The following CADPS variants were observed in gnomAD, a reference collection of about 807,000 sequenced individuals.
CADPS encodes calcium-dependent secretion activator 1.
A neutral mutation model predicts 167.3 loss-of-function variants in CADPS; 57 were observed. That is an observed-to-expected ratio of 0.34 (90% CI 0.28 to 0.42). The LOEUF is 0.42. Ranked by LOEUF, CADPS falls within the 20% of genes least tolerant of loss-of-function variation. CADPS has a pLI of 1.00. For synonymous variants in CADPS, 676 were observed against 635.3 expected (o/e 1.06, Z -0.96); for missense variants, 1,414 against 1,738.1 (o/e 0.81, Z 3.32).
At chr3:62,694,040 A>AG (rs2079765739) in intron 3 of CADPS, among the ~76,000 whole-genome samples, 1 of 152,032 alleles carries the variant, frequency 6.6e-6, no homozygotes, top group Non-Finnish European at 1.5e-5. Flanking sequence ...TGGTCACCCC[A>AG]GTGCTCGCTC....
chr3:62,832,240 A>G (rs1330531409), intron 1 of CADPS, among the ~76,000 whole-genome samples: 1 of 152,188 alleles, frequency 6.6e-6, no homozygotes, highest in African/African-American at 2.4e-5. Context: ...AGTTTTAAAA[A>G]TACTCCAGGT....
intron 26 of CADPS, among the ~76,000 whole-genome samples, chr3:62,451,455 C>T (rs2058037734): frequency 6.6e-6 from 1 of 151,472 alleles, no homozygotes; most frequent in African/African-American, 2.4e-5. Context: ...GGGTTTGATA[C>T]TATTAAATCA....
chr3:62,694,220 A>G (rs1054129027), intron 3 of CADPS, among the ~76,000 whole-genome samples: 3 of 152,128 alleles, frequency 2.0e-5, no homozygotes, highest in Non-Finnish European at 2.9e-5. Context: ...TAACCTGGTG[A>G]AAATAACATT....
chr3:62,771,491 C>G lies in CADPS; in HGVS notation c.442-5507G>C, dbSNP rs563989435. ...GTTAACTGACTTATATAGGATTGAA[C>G]CCAAAAGGTGACCTTGCACGAATAA... is the stretch of plus-strand genomic sequence containing the variant. On this transcript the variant is annotated intron_variant, in intron 1 of 29. Transcript: ENST00000383710. Among the ~76,000 whole-genome samples the G allele has an allele frequency of 5.6e-4, 85 of 152,228 alleles. 1 individual carries two copies. The South Asian group carries it at 0.011, about 20-fold the overall frequency.
At chr3:62,567,440 C>T (rs1211675690) in intron 9 of CADPS, among the ~76,000 whole-genome samples, 3 of 151,956 alleles carry the variant, frequency 2.0e-5, no homozygotes, top group Non-Finnish European at 4.4e-5. Context: ...ACAAAACTGG[C>T]CCTGAAACAG....
chr3:62,843,956 G>T (rs748802555), intron 1 of CADPS, among the ~76,000 whole-genome samples: 1 of 152,128 alleles, frequency 6.6e-6, no homozygotes, highest in Admixed American at 6.6e-5. Flanking sequence ...TTACCCTAAG[G>T]CTCTGTAGGT....
chr3:62,450,927 A>C (rs1239018978), intron 26 of CADPS, among the ~76,000 whole-genome samples: 4 of 152,168 alleles, frequency 2.6e-5, no homozygotes, highest in African/African-American at 9.7e-5. Context: ...ATGACTAATA[A>C]GTTACAGCTT....
intron 3 of CADPS, among the ~76,000 whole-genome samples, chr3:62,696,420 T>C (rs888560140): frequency 1.3e-5 from 2 of 152,042 alleles, no homozygotes; most frequent in Non-Finnish European, 2.9e-5. Context: ...TTGCACCTCA[T>C]TGCATCCCTG....
At position 62,585,307 on chromosome 3, in the gene CADPS, G is replaced by C. The variant is rs777043437; in HGVS notation, c.1455C>G (p.Thr485=). 7 of 1,610,038 alleles carry C rather than the reference G, an allele frequency of 4.3e-6. No individual in the cohort carries two copies. In the African/African-American group the frequency reaches 8.0e-5, roughly 18 times the overall value. The change falls in exon 8 of 30, where the codon ACC becomes ACG. Residue 485 remains threonine (T), a synonymous_variant. Transcript: ENST00000383710. ...ACTCTGACTGTTTGGGGCTGTTCGG[G>C]GTGGGATGGAGAATAACCTGTAGGG... ...KELGRVILHP[T]PNSPKQSEWH... is the part of the protein sequence containing the mutation.
intron 10 of CADPS, among the ~76,000 whole-genome samples, chr3:62,551,697 A>T (rs2077344492): frequency 6.6e-6 from 1 of 152,048 alleles, no homozygotes; most frequent in East Asian, 1.9e-4. Context: ...GCACACATGT[A>T]CTCACTTCAT....
chr3:62,653,798 C>T (rs1270827872), intron 4 of CADPS, among the ~76,000 whole-genome samples: 1 of 151,872 alleles, frequency 6.6e-6, no homozygotes, highest in East Asian at 1.9e-4. Context: ...TCTGCTTTTC[C>T]ATGTGAATAA....
intron 7 of CADPS, among the ~76,000 whole-genome samples, chr3:62,588,267 TC>T (rs1172686190): frequency 2.0e-5 from 3 of 151,962 alleles, no homozygotes; most frequent in Non-Finnish European, 4.4e-5. Flanking sequence ...GATTCTGCCT[TC>T]TTGCTAGGTG....
chr3:62,835,623 A>G (rs1050410936), intron 1 of CADPS, among the ~76,000 whole-genome samples: 8 of 152,260 alleles, frequency 5.3e-5, no homozygotes, highest in Middle Eastern at 6.8e-3. Flanking sequence ...TATGAGAGAG[A>G]GAGCAGCTAC....
chr3:62,651,100 G>T lies in CADPS; in HGVS notation c.970-20C>A. The T allele has an allele frequency of 6.5e-7, 1 of 1,538,576 alleles. No individual in the cohort carries two copies. The highest frequency in any genetic ancestry group is 9.0e-7 in the Non-Finnish European group (1 of 1,112,794). On this transcript the variant is annotated intron_variant, in intron 4 of 29. Coordinates refer to ENST00000383710, the MANE Select transcript of CADPS (RefSeq NM_003716.4). ...GCGTTCCTTGGGAAGAAAAAGAAAAGTATGAGCAGAGGAGAAAATAGAAAG... is the reference window on the plus strand; with the variant it reads ...GCGTTCCTTGGGAAGAAAAAGAAAATTATGAGCAGAGGAGAAAATAGAAAG...
chr3:62,401,898 T>C (rs951504445), intron 29 of CADPS, among the ~76,000 whole-genome samples: 1 of 152,170 alleles, frequency 6.6e-6, no homozygotes, highest in Admixed American at 6.5e-5. Flanking sequence ...GTCTACCCAA[T>C]AAGGGTCAAA....
rs2058620339 is a variant in CADPS at position 62,455,787 on chromosome 3, C to T, written c.3636+9580G>A. Reference sequence around the variant, plus strand: ...ATGTCTTACTTGTGTCCCTGGCTTCCACATGGCTTTGGTGCTGAGCAAGTG... The same window carrying T: ...ATGTCTTACTTGTGTCCCTGGCTTCTACATGGCTTTGGTGCTGAGCAAGTG... On this transcript the variant is annotated intron_variant, in intron 26 of 29. Transcript: ENST00000383710. This position sits in a 1 kb window ranked among gnomAD's most constrained non-coding sequence, Gnocchi z 4.4. 1.3e-5 allele frequency among the ~76,000 whole-genome samples: 2 copies of T among 152,244 alleles called. No homozygotes were observed. The highest frequency in any genetic ancestry group is 2.1e-4 in the South Asian group (1 of 4,818).
chr3:62,815,273 GA>G (rs1406138199), intron 1 of CADPS, among the ~76,000 whole-genome samples: 1 of 135,206 alleles, frequency 7.4e-6, no homozygotes, highest in Admixed American at 7.8e-5. Context: ...TACACATAAT[GA>G]ACATCATCTA....
intron 3 of CADPS, among the ~76,000 whole-genome samples, chr3:62,746,334 C>CATTG (rs958673070): frequency 5.3e-5 from 8 of 152,046 alleles, no homozygotes; most frequent in African/African-American, 1.9e-4. Context: ...TCAGGCAATC[C>CATTG]ATTGATTGAT....
intron 13 of CADPS, among the ~76,000 whole-genome samples, chr3:62,527,530 G>C (rs1031514942): frequency 6.6e-6 from 1 of 152,162 alleles, no homozygotes; most frequent in South Asian, 2.1e-4. Context: ...ATACATCCCA[G>C]TGTTTGAAAT....
Sources: gnomAD v4.1 joint callset for allele counts (sites outside exome capture counted in the v4.1 genomes callset) on GRCh38, gnomAD v4.1.1 for gene constraint, Gnocchi (gnomAD v3.1) non-coding constraint, MANE v1.5 for transcripts, NCBI Gene and HGNC (gene_info 2026-07-23, HGNC 2026-07-21) for gene names.